PXDN: variants seen among roughly 807,000 people sequenced by gnomAD.
PXDN encodes the protein peroxidasin.
Under a neutral mutation model 140.3 loss-of-function variants are expected in PXDN, and 77 were observed. The ratio of observed to expected loss-of-function variants is 0.55; its 90% CI spans 0.46 to 0.66. PXDN has a LOEUF of 0.66. PXDN is among the 30% of genes least tolerant of loss of function. The probability of loss-of-function intolerance (pLI) is 0.00; values close to 1 mark genes in which losing one functional copy is unlikely to be tolerated. For synonymous variants in PXDN, 911 were observed against 857.4 expected (o/e 1.06, Z -1.09); for missense variants, 1,838 against 2,039.5 (o/e 0.90, Z 1.90).
At chr2:1,719,342 C>T (rs1466384703) in intron 1 of PXDN, among the ~76,000 whole-genome samples, 1 of 152,216 alleles carries the variant, frequency 6.6e-6, no homozygotes, top group African/African-American at 2.4e-5. Flanking sequence ...CAGGCTCTGT[C>T]CCAGGCCCTC....
At chr2:1,674,998 G>A (rs917688015) in intron 8 of PXDN, among the ~76,000 whole-genome samples, 2 of 152,120 alleles carry the variant, frequency 1.3e-5, no homozygotes, top group Non-Finnish European at 2.9e-5. Context: ...CCAAACCGTC[G>A]GGAACACTCG....
intron 8 of PXDN, among the ~76,000 whole-genome samples, chr2:1,674,889 A>G (rs1472679915): frequency 2.0e-5 from 3 of 152,180 alleles, no homozygotes; most frequent in Non-Finnish European, 2.9e-5. Flanking sequence ...GAGCCTGTGC[A>G]GCCTGGACCA....
intron 1 of PXDN, among the ~76,000 whole-genome samples, chr2:1,720,685 T>TTCTCTCTGCATCTCTG (rs1558526182): frequency 1.3e-4 from 5 of 37,976 alleles, no homozygotes; most frequent in Non-Finnish European, 2.0e-4. Flanking sequence ...CTGCATCTCT[T>TTCTCTCTGCATCTCTG]TCTCTCTCTC....
intron 7 of PXDN, 138 bp downstream of exon 7, chr2:1,680,055 C>A (rs917744981): frequency 1.2e-5 from 13 of 1,087,666 alleles, no homozygotes; most frequent in Non-Finnish European, 1.6e-5. Flanking sequence ...TGTGTCTGCG[C>A]GTGTGTCTAT....
intron 4 of PXDN, 96 bp from the exon 5 acceptor site, chr2:1,684,247 G>C: frequency 1.2e-6 from 1 of 861,736 alleles, no homozygotes; most frequent in Non-Finnish European, 1.9e-6. Context: ...TTCAAATTCA[G>C]ATATCAATAG....
chr2:1,743,466 C>T (rs1012284537), intron 1 of PXDN, among the ~76,000 whole-genome samples: 3 of 151,966 alleles, frequency 2.0e-5, no homozygotes, highest in Non-Finnish European at 4.4e-5. Context: ...GCGGGGCCCC[C>T]AGGACACCCC....
chr2:1,641,827 T>C (rs746288837), intron 19 of PXDN, among the ~76,000 whole-genome samples: 12 of 152,226 alleles, frequency 7.9e-5, no homozygotes, highest in Non-Finnish European at 1.0e-4. Flanking sequence ...TACTTCTTAA[T>C]AAGCAGCTAA....
At chr2:1,669,672 T>C (rs996664488) in intron 9 of PXDN, 3 of 152,162 alleles carry the variant, frequency 2.0e-5, no homozygotes, top group Admixed American at 2.0e-4. Flanking sequence ...AAACCCTGCC[T>C]CTACTAAAAA....
chr2:1,738,027 A>G (rs1355050406), intron 1 of PXDN, among the ~76,000 whole-genome samples: 1 of 152,146 alleles, frequency 6.6e-6, no homozygotes, highest in African/African-American at 2.4e-5. Flanking sequence ...TAACAATTCA[A>G]CCATCCAGCC....
At chr2:1,674,824 G>A (rs1683658212) in intron 8 of PXDN, among the ~76,000 whole-genome samples, 1 of 152,076 alleles carries the variant, frequency 6.6e-6, no homozygotes. Context: ...CTGTGAAACA[G>A]AAACCCACTT....
chr2:1,726,495 G>T (rs538233892), intron 1 of PXDN, among the ~76,000 whole-genome samples: 1 of 151,028 alleles, frequency 6.6e-6, no homozygotes, highest in Non-Finnish European at 1.5e-5. Context: ...CGAGTTAATG[G>T]GTGCAGCACA....
At chr2:1,636,060 C>A (rs534722509) in intron 21 of PXDN, 1 of 224,280 alleles carries the variant, frequency 4.5e-6, no homozygotes, top group Non-Finnish European at 8.8e-6. Context: ...TGACAGTGGC[C>A]GGAAATGCCT....
chr2:1,643,676 C>G, intron 18 of PXDN, 100 bp from the exon 19 acceptor site: 1 of 1,242,408 alleles, frequency 8.0e-7, no homozygotes, highest in Non-Finnish European at 1.2e-6. Context: ...CACAGCAATA[C>G]AGAAACCACT....
intron 1 of PXDN, among the ~76,000 whole-genome samples, chr2:1,708,625 G>A (rs61383769): frequency 0.028 from 4,334 of 152,224 alleles, 141 homozygotes; most frequent in African/African-American, 0.079. Context: ...CAGAACCCCC[G>A]ACTCGCCCCG....
In PXDN at chr2:1,639,208, G is replaced by C; in HGVS notation, c.4073+94C>G. 2 of 1,531,610 alleles carry C rather than the reference G, an allele frequency of 1.3e-6. No homozygotes were observed. Among genetic ancestry groups the C allele is most frequent in the Non-Finnish European group, 1.8e-6 (2 of 1,135,550 alleles). The allele number at this position is 1,531,610 out of a possible 1,614,324, so 94.9% of individuals were successfully genotyped here. On this transcript the variant is annotated intron_variant, in intron 20 of 22. Coordinates refer to ENST00000252804, the MANE Select transcript of PXDN (RefSeq NM_012293.3). The surrounding 1 kb of genome is among the most constrained non-coding windows in gnomAD (Gnocchi z 5.0). ...GACGTCCCTGCCAGGAACCATCCTC[G>C]CCACAGGCCCACAGCAGGATGCCGG...
chr2:1,641,278 T>G (rs1170064493), intron 19 of PXDN, among the ~76,000 whole-genome samples: 1 of 152,048 alleles, frequency 6.6e-6, no homozygotes, highest in African/African-American at 2.4e-5. Flanking sequence ...CAGCCTCCCA[T>G]GTAGCTGGGA....
intron 3 of PXDN, 135 bp downstream of exon 3, chr2:1,691,793 C>G (rs1684187373): frequency 1.7e-6 from 1 of 593,332 alleles, no homozygotes; most frequent in Non-Finnish European, 2.9e-6. Flanking sequence ...TAAATGTTTA[C>G]TCACCTTCTC....
At chr2:1,686,966 G>C (rs1684074816) in intron 4 of PXDN, among the ~76,000 whole-genome samples, 1 of 152,020 alleles carries the variant, frequency 6.6e-6, no homozygotes, top group African/African-American at 2.4e-5. Context: ...GGCTCAGTTT[G>C]CCGAGTGAAA....
chr2:1,682,714 C>T (rs1052811509), intron 6 of PXDN, among the ~76,000 whole-genome samples: 2 of 152,154 alleles, frequency 1.3e-5, no homozygotes, highest in African/African-American at 2.4e-5. Flanking sequence ...CCAAGAAGGG[C>T]GGATCACCTG....
Sources: allele counts gnomAD v4.1 joint callset (sites outside exome capture counted in the v4.1 genomes callset), GRCh38; gene constraint gnomAD v4.1.1; non-coding constraint Gnocchi (gnomAD v3.1); transcripts MANE v1.5; gene names NCBI Gene and HGNC (gene_info 2026-07-23, HGNC 2026-07-21).